Variants in TFAP2D observed in about 807,000 individuals in gnomAD.
TFAP2D encodes the protein transcription factor AP-2-delta.
In TFAP2D, 9 loss-of-function variants were observed where a neutral mutation model predicts 43.6. The observed-to-expected ratio is 0.21, with a 90% confidence interval of 0.12 to 0.36. The LOEUF (loss-of-function observed/expected upper bound fraction) is 0.36, where lower values mean the gene tolerates loss of function less well. Among genes scored for constraint, TFAP2D ranks in the 10% least tolerant of loss-of-function variants. TFAP2D has a pLI of 1.00. For synonymous variants in TFAP2D, 256 were observed against 224.9 expected (o/e 1.14, Z -1.24); for missense variants, 513 against 561.4 (o/e 0.91, Z 0.87).
intron 5 of TFAP2D, among the ~76,000 whole-genome samples, chr6:50,744,013 T>G (rs551693899): frequency 1.3e-5 from 2 of 152,192 alleles, no homozygotes; most frequent in Non-Finnish European, 2.9e-5. Flanking sequence ...GGTGAGTAGA[T>G]GCTTAGTATT....
chr6:50,770,868 C>G (rs995423924), intron 7 of TFAP2D, among the ~76,000 whole-genome samples: 10 of 152,106 alleles, frequency 6.6e-5, no homozygotes, highest in Admixed American at 1.3e-4. Flanking sequence ...ATTAAATGTA[C>G]TATACACATA....
chr6:50,729,014 T>C lies in TFAP2D; in HGVS notation c.757T>C (p.Leu253=). The stretch of plus-strand genomic sequence containing the variant: ...CAATGCTTCACTCTTGGGAGGCATT[T>C]TGAGAAGGTAAGACAAAGCTATATT... ...CLNASLLGGI[L]RRAKSKNGGR... is the part of the protein sequence containing the mutation. The change falls in exon 4 of 8, where the codon TTG becomes CTG. Residue 253 remains leucine, a synonymous_variant. Transcript: ENST00000008391. 6.2e-7 allele frequency: 1 copy of C among 1,613,698 alleles called. No homozygotes were observed. The highest frequency in any genetic ancestry group is 1.1e-5 in the South Asian group (1 of 91,054).
At chr6:50,751,368 G>A (rs1401624924) in intron 7 of TFAP2D, 44 bp downstream of exon 7, 11 of 1,306,204 alleles carry the variant, frequency 8.4e-6, no homozygotes, top group African/African-American at 1.5e-5. Flanking sequence ...TACTAACCCA[G>A]ATGCTTGTAT....
At chr6:50,749,003 T>C (rs1336091761) in intron 6 of TFAP2D, among the ~76,000 whole-genome samples, 1 of 151,784 alleles carries the variant, frequency 6.6e-6, no homozygotes, top group Non-Finnish European at 1.5e-5. Flanking sequence ...TGTAGATTTA[T>C]AAATAAAAAA....
At chr6:50,726,465 T>C in intron 3 of TFAP2D, among the ~76,000 whole-genome samples, 1 of 152,252 alleles carries the variant, frequency 6.6e-6, no homozygotes, top group East Asian at 1.9e-4. Flanking sequence ...TCCTCATTTG[T>C]ATACTGGCTA....
chr6:50,772,761 G>A lies in TFAP2D; in HGVS notation c.1256G>A (p.Gly419Glu). Residue 419 changes from glycine (G) to glutamate (E), a missense_variant, in exon 8 of 8, where the codon GGA becomes GAA. Around this residue, in one of 3 missense-constraint regions of TFAP2D, gnomAD observed 199 missense variants for 227.9 expected, o/e 0.87. Coordinates refer to ENST00000008391, the MANE Select transcript of TFAP2D (RefSeq NM_172238.4). ...LEKHTTHKNG[G>E]AADSGQGHAN... ...AAACACACTACTCACAAGAACGGCG[G>A]AGCGGCGGATTCTGGCCAAGGACAT... 1 of 1,614,126 alleles carries A rather than the reference G, an allele frequency of 6.2e-7. No individual in the cohort carries two copies. The highest frequency in any genetic ancestry group is 8.5e-7 in the Non-Finnish European group (1 of 1,180,014).
rs548236123 is a variant in TFAP2D, at chr6:50,713,540, C to T, written c.-516C>T. ...ACATATATTGGAGCTAGAGCTCTAG[C>T]TTCACAATAAAATGTGTGCAAATAC... is the stretch of plus-strand genomic sequence containing the variant. On this transcript the variant is annotated 5_prime_UTR_variant, in exon 1 of 8. Coordinates refer to ENST00000008391, the MANE Select transcript of TFAP2D (RefSeq NM_172238.4). 2.0e-5 allele frequency among the ~76,000 whole-genome samples: 3 copies of T among 152,284 alleles called. No individual in the cohort carries two copies. In the South Asian group the frequency reaches 6.2e-4, roughly 32 times the overall value.
At chr6:50,751,133 C>T (rs1017238374) in intron 6 of TFAP2D, 78 bp from the exon 7 acceptor site, 2 of 976,360 alleles carry the variant, frequency 2.0e-6, no homozygotes, top group African/African-American at 3.3e-5. Flanking sequence ...AGAGAACAAG[C>T]CTTTGGTTAA....
chr6:50,717,807 T>A (rs1286007692), intron 2 of TFAP2D, among the ~76,000 whole-genome samples: 1 of 152,238 alleles, frequency 6.6e-6, no homozygotes, highest in Non-Finnish European at 1.5e-5. Context: ...GAGTCATAGC[T>A]ACTTTTAAAA....
chr6:50,764,213 T>C (rs1769409079), intron 7 of TFAP2D, among the ~76,000 whole-genome samples: 1 of 152,184 alleles, frequency 6.6e-6, no homozygotes, highest in East Asian at 1.9e-4. Flanking sequence ...TGCTTGTGTT[T>C]TCTTTGTCCA....
intron 3 of TFAP2D, among the ~76,000 whole-genome samples, chr6:50,722,416 T>C (rs746696879): frequency 3.9e-5 from 6 of 152,124 alleles, no homozygotes; most frequent in Non-Finnish European, 7.3e-5. Context: ...TATTCAGATA[T>C]CGGGTTTCAA....
rs1768602629 is a variant in TFAP2D, at chr6:50,715,421, C to A, written c.345C>A (p.Asn115Lys). ...ACGGGGAGCCCACCGACTTTATTAA[C>A]CTGCACAATGCGCGGGCGCTCAAGT... ...IHHGEPTDFINLHNARALKSS... is the reference protein window; with the variant it reads ...IHHGEPTDFIKLHNARALKSS... The change falls in exon 2 of 8, where the codon AAC (asparagine) becomes AAA (lysine). Residue 115 changes from asparagine to lysine, a missense_variant. Physicochemically the swap from Asn to Lys is moderately conservative, Grantham distance 94. Around this residue, in one of 3 missense-constraint regions of TFAP2D, gnomAD observed 311 missense variants for 316.2 expected, o/e 0.98. Coordinates refer to ENST00000008391, the MANE Select transcript of TFAP2D (RefSeq NM_172238.4). 2 of 1,614,038 alleles carry A rather than the reference C, an allele frequency of 1.2e-6. No homozygotes were observed. The highest frequency in any genetic ancestry group is 1.1e-5 in the South Asian group (1 of 91,086).
intron 6 of TFAP2D, among the ~76,000 whole-genome samples, chr6:50,745,787 T>A (rs1208620850): frequency 4.7e-5 from 7 of 150,522 alleles, no homozygotes; most frequent in African/African-American, 1.7e-4. Context: ...GTTATTGTCT[T>A]TTTTTTTTAA....
chr6:50,719,500 A>C (rs976798966), intron 3 of TFAP2D, among the ~76,000 whole-genome samples: 1 of 122,452 alleles, frequency 8.2e-6, no homozygotes, highest in Non-Finnish European at 1.9e-5. Flanking sequence ...AAAGAAAGAA[A>C]GAAGTTTCTC....
chr6:50,735,222 G>A (rs185026171), intron 5 of TFAP2D, among the ~76,000 whole-genome samples: 1 of 152,226 alleles, frequency 6.6e-6, no homozygotes, highest in African/African-American at 2.4e-5. Context: ...GTGCAGCAAG[G>A]ATGAGAACCC....
At chr6:50,733,461 T>C (rs914707591) in intron 5 of TFAP2D, among the ~76,000 whole-genome samples, 3 of 152,146 alleles carry the variant, frequency 2.0e-5, no homozygotes, top group Non-Finnish European at 4.4e-5. Flanking sequence ...TTTGCTTAAC[T>C]GATCTTCTTG....
intron 5 of TFAP2D, among the ~76,000 whole-genome samples, chr6:50,742,857 C>T (rs1255868690): frequency 6.6e-6 from 1 of 151,606 alleles, no homozygotes; most frequent in African/African-American, 2.4e-5. Flanking sequence ...AGGTTTAAAA[C>T]ATTTTTACTT....
intron 6 of TFAP2D, among the ~76,000 whole-genome samples, chr6:50,749,052 G>T (rs1181017240): frequency 6.6e-6 from 1 of 151,722 alleles, no homozygotes; most frequent in African/African-American, 2.4e-5. Context: ...TCATAATTCT[G>T]TAAGTGCCAT....
chr6:50,724,798 C>A (rs2114034534), intron 3 of TFAP2D, among the ~76,000 whole-genome samples: 1 of 151,894 alleles, frequency 6.6e-6, no homozygotes, highest in African/African-American at 2.4e-5. Context: ...GGGGACCTGT[C>A]TTGTCCTACC....
Sources: allele counts gnomAD v4.1 joint callset (sites outside exome capture counted in the v4.1 genomes callset), GRCh38; gene constraint gnomAD v4.1.1; regional missense constraint gnomAD v4.1.1; transcripts MANE v1.5; gene names NCBI Gene and HGNC (gene_info 2026-07-23, HGNC 2026-07-21).